FAH: variants seen among roughly 807,000 people sequenced by gnomAD.
The protein encoded by FAH is fumarylacetoacetate hydrolase.
Under a neutral mutation model 55.8 loss-of-function variants are expected in FAH, and 47 were observed. That is an observed-to-expected ratio of 0.84 (90% CI 0.67 to 1.07). FAH has a LOEUF of 1.07. Ranked by LOEUF, FAH falls within the 50% of genes least tolerant of loss-of-function variation. The pLI is 0.00. For missense variants in FAH, 495 were observed against 545.9 expected (o/e 0.91, Z 0.93); for synonymous variants, 199 against 207.7 (o/e 0.96, Z 0.36).
intron 5 of FAH, among the ~76,000 whole-genome samples, chr15:80,165,618 C>T (rs567639863): frequency 6.6e-6 from 1 of 151,940 alleles, no homozygotes; most frequent in East Asian, 1.9e-4. Flanking sequence ...TCACTTGAAC[C>T]TCGGAGGTGG....
intron 7 of FAH, among the ~76,000 whole-genome samples, chr15:80,169,829 G>A (rs1395972169): frequency 6.6e-6 from 1 of 152,154 alleles, no homozygotes; most frequent in African/African-American, 2.4e-5. Context: ...CACCGCGCTC[G>A]GCCAGGGCTG....
chr15:80,181,183 C>T (rs1260047570), intron 13 of FAH, 24 bp downstream of exon 13: 4 of 1,509,476 alleles, frequency 2.6e-6, no homozygotes, highest in African/African-American at 1.4e-5. Context: ...AACCCAGCAG[C>T]TCGTCTTCCT....
intron 1 of FAH, chr15:80,157,753 C>T: frequency 2.3e-6 from 1 of 436,404 alleles, no homozygotes; most frequent in Admixed American, 3.5e-5. Context: ...GCCTAGGGAA[C>T]TTTGCAGGGG....
chr15:80,168,119 A>G lies in FAH; in HGVS notation c.523A>G (p.Arg175Gly). The G allele has an allele frequency of 6.2e-7, 1 of 1,614,030 alleles. No individual in the cohort carries two copies. The highest frequency in any genetic ancestry group is 1.1e-5 in the South Asian group (1 of 91,078). ...CGTGGTGTCTGGCACCCCAATCCGA[A>G]GGCCCATGGGACAGATGAAACCTGA... ...SVVVSGTPIR[R>G]PMGQMKPDDS... The change falls in exon 6 of 14, where the codon AGG becomes GGG. Residue 175 changes from arginine to glycine, a missense_variant. Coordinates refer to ENST00000561421, the MANE Select transcript of FAH (RefSeq NM_000137.4).
Position 80,153,090 on chromosome 15 carries a change from C to T in FAH, c.36C>T (p.Phe12=), listed in dbSNP as rs2041065544. The change falls in exon 1 of 14, where the codon TTC becomes TTT. Residue 12 remains phenylalanine, a synonymous_variant. Coordinates refer to ENST00000561421, the MANE Select transcript of FAH (RefSeq NM_000137.4). ...SFIPVAEDSD[F]PIHNLPYGVF... ...TCCCGGTGGCCGAGGATTCCGACTT[C>T]CCCATCCACAACCTGCCCTACGGCG... 1 of 1,613,784 alleles carries T rather than the reference C, an allele frequency of 6.2e-7. No homozygotes were observed. Among genetic ancestry groups the T allele is most frequent in the African/African-American group, 1.3e-5 (1 of 74,886 alleles).
intron 2 of FAH, among the ~76,000 whole-genome samples, chr15:80,159,237 AACAAC>A (rs1567114682): frequency 6.6e-6 from 1 of 151,896 alleles, no homozygotes; most frequent in East Asian, 1.9e-4. Context: ...GAAAAAAAAA[AACAAC>A]TTTTTTTTTT....
At position 80,165,681 on chromosome 15, in the gene FAH, C is replaced by T. The variant is rs534941192; in HGVS notation, c.456-2371C>T. Among the ~76,000 whole-genome samples, 143 of 150,144 alleles carry T rather than the reference C, an allele frequency of 9.5e-4. 3 individuals carry two copies. In the South Asian group the frequency reaches 0.015, roughly 16 times the overall value. On this transcript the variant is annotated intron_variant, in intron 5 of 13. Coordinates refer to ENST00000561421, the MANE Select transcript of FAH (RefSeq NM_000137.4). ...CTGCACTCCAGCCTGGGCGACAGAG[C>T]GAGACTCTGTCTCAAACCCCACCCC...
At position 80,168,620 on chromosome 15, in the gene FAH, G is replaced by A. The variant is rs1012718111; in HGVS notation, c.606+304G>A. ...GTGAAACATTTGAGCTGCCTGGTGA[G>A]CATGTTCCTAGGTGAGGCTGGACAA... On this transcript the variant is annotated intron_variant, in intron 7 of 13. Transcript: ENST00000561421. Among the ~76,000 whole-genome samples, 6 of 152,260 alleles carry A rather than the reference G, an allele frequency of 3.9e-5. No individual in the cohort carries two copies. The East Asian group carries it at 1.2e-3, about 29-fold the overall frequency.
At chr15:80,164,148 A>G (rs569325386) in intron 5 of FAH, among the ~76,000 whole-genome samples, 2 of 152,360 alleles carry the variant, frequency 1.3e-5, no homozygotes, top group South Asian at 4.1e-4. Flanking sequence ...TCCGGAGGCC[A>G]GAAGTCAAAA....
At chr15:80,158,195 C>T (rs765033599) in intron 2 of FAH, 25 bp downstream of exon 2, 6 of 1,523,280 alleles carry the variant, frequency 3.9e-6, no homozygotes, top group Admixed American at 3.3e-5. Flanking sequence ...AACGACTTGT[C>T]CCTGACCTCA....
chr15:80,155,966 C>A, intron 1 of FAH: 1 of 476,572 alleles, frequency 2.1e-6, no homozygotes, highest in South Asian at 1.5e-5. Context: ...TGAAAGTGGA[C>A]AAGGAGCGTG....
chr15:80,161,597 A>T (rs1351641037), intron 4 of FAH, among the ~76,000 whole-genome samples: 2 of 152,174 alleles, frequency 1.3e-5, no homozygotes, highest in African/African-American at 2.4e-5. Context: ...ATCATAATCA[A>T]CAAGCACTGA....
intron 1 of FAH, 133 bp from the exon 2 acceptor site, chr15:80,157,927 C>A: frequency 1.4e-6 from 1 of 728,618 alleles, no homozygotes; most frequent in East Asian, 2.5e-5. Context: ...GAACATGGTT[C>A]TTCAGTCCGC....
intron 10 of FAH, among the ~76,000 whole-genome samples, chr15:80,176,368 T>C (rs551669169): frequency 6.6e-6 from 1 of 152,348 alleles, no homozygotes; most frequent in East Asian, 1.9e-4. Flanking sequence ...GGCTTTGCCA[T>C]GTCTGTCTCA....
chr15:80,178,616 G>A (rs916846079), intron 11 of FAH, among the ~76,000 whole-genome samples: 11 of 144,906 alleles, frequency 7.6e-5, no homozygotes, highest in Non-Finnish European at 9.0e-5. Context: ...ATGGAGTCTC[G>A]CTCGTTGCCC....
At chr15:80,172,370 G>A (rs547445438) in intron 8 of FAH, 122 bp downstream of exon 8, 10 of 733,324 alleles carry the variant, frequency 1.4e-5, no homozygotes, top group African/African-American at 6.9e-5. Flanking sequence ...GTGACTGAGA[G>A]TGGGGGTCTG....
In FAH at chr15:80,180,679, C is replaced by G. The variant is rs753561616; in HGVS notation, c.1063-363C>G. Among the ~76,000 whole-genome samples, 34 of 152,264 alleles carry G rather than the reference C, an allele frequency of 2.2e-4. 1 individual carries two copies. The highest frequency in any genetic ancestry group is 2.4e-4 in the Non-Finnish European group (16 of 68,012). On this transcript the variant is annotated intron_variant, in intron 12 of 13. Coordinates refer to ENST00000561421, the MANE Select transcript of FAH (RefSeq NM_000137.4). ...CACTTCCTGCAGGGGGCTGGCCGAG[C>G]CCTCTTGTTCCTTGAGCTGTCGACA...
chr15:80,152,986 A>C, upstream of FAH: 1 of 1,423,302 alleles, frequency 7.0e-7, no homozygotes, highest in East Asian at 2.3e-5. Context: ...GCCTGACCAC[A>C]GCGGCCGAGT....
At chr15:80,165,564 G>A (rs185548647) in intron 5 of FAH, among the ~76,000 whole-genome samples, 6,330 of 151,600 alleles carry the variant, frequency 0.042, 438 homozygotes, top group African/African-American at 0.15. Context: ...GTGTGGTGGC[G>A]GGCGCCTGTA....
Sources: gnomAD v4.1 joint callset for allele counts (sites outside exome capture counted in the v4.1 genomes callset) on GRCh38, gnomAD v4.1.1 for gene constraint, MANE v1.5 for transcripts, NCBI Gene and HGNC (gene_info 2026-07-23, HGNC 2026-07-21) for gene names.